Variants in UBE2V2 observed in about 807,000 individuals in gnomAD.
The protein encoded by UBE2V2 is ubiquitin-conjugating enzyme E2 variant 2.
In UBE2V2, 9 loss-of-function variants were observed where a neutral mutation model predicts 17.2. The observed-to-expected ratio is 0.52, with a 90% CI of 0.32 to 0.91. The LOEUF (loss-of-function observed/expected upper bound fraction) is 0.91. UBE2V2 is among the 40% of genes least tolerant of loss of function. The probability of loss-of-function intolerance (pLI) is 0.04; values close to 1 mark genes in which losing one functional copy is unlikely to be tolerated. For synonymous variants in UBE2V2, 61 were observed against 57.5 expected, an observed-to-expected ratio of 1.06 and a Z score of -0.28; for missense variants, 133 against 182.6, an observed-to-expected ratio of 0.73 and a Z score of 1.56.
intron 2 of UBE2V2, among the ~76,000 whole-genome samples, chr8:48,048,985 T>C (rs960238282): frequency 6.6e-6 from 1 of 152,172 alleles, no homozygotes; most frequent in African/African-American, 2.4e-5. Flanking sequence ...GAGGATTCAT[T>C]TATTTTTTAC....
At chr8:48,028,760 A>G (rs1158939406) in intron 1 of UBE2V2, among the ~76,000 whole-genome samples, 1 of 152,168 alleles carries the variant, frequency 6.6e-6, no homozygotes, top group African/African-American at 2.4e-5. Flanking sequence ...TGTTGGGATT[A>G]CAGGTGTGAG....
At chr8:48,002,650 A>AAAAGG in the UBE2V2 span, among the ~76,000 whole-genome samples, 25 of 151,844 alleles carry the variant, frequency 1.6e-4, no homozygotes, top group Non-Finnish European at 2.1e-4. Context: ...GGGGAAAGGA[A>AAAAGG]AAAGGAAAGG....
intron 1 of UBE2V2, among the ~76,000 whole-genome samples, chr8:48,028,992 C>T (rs1178721296): frequency 2.0e-5 from 3 of 151,884 alleles, no homozygotes; most frequent in African/African-American, 7.3e-5. Context: ...TTTTTTTCTA[C>T]TTCATTTAAA....
chr8:48,060,209 CAAAAAA>C (rs557515958), intron 3 of UBE2V2, among the ~76,000 whole-genome samples: 1 of 43,828 alleles, frequency 2.3e-5, no homozygotes, highest in Non-Finnish European at 5.1e-5. Context: ...GACTCTGTCT[CAAAAAA>C]AAAAAAAAAA....
At chr8:48,016,800 T>A (rs999965465) in intron 1 of UBE2V2, among the ~76,000 whole-genome samples, 7 of 136,604 alleles carry the variant, frequency 5.1e-5, no homozygotes, top group South Asian at 4.7e-4. Flanking sequence ...TTTTTTTTTT[T>A]AATTGAGACA....
upstream of UBE2V2, among the ~76,000 whole-genome samples, chr8:48,007,001 C>A (rs2091187648): frequency 6.6e-6 from 1 of 152,030 alleles, no homozygotes; most frequent in South Asian, 2.1e-4. Flanking sequence ...CTGCCTCAGC[C>A]TCCCGAGTAG....
intron 3 of UBE2V2, among the ~76,000 whole-genome samples, chr8:48,059,411 C>CTGCT (rs2154508279): frequency 1.3e-5 from 2 of 151,436 alleles, no homozygotes; most frequent in South Asian, 4.2e-4. Context: ...GGTTACCTTC[C>CTGCT]TGCTTTTTTT....
intron 1 of UBE2V2, among the ~76,000 whole-genome samples, chr8:48,021,166 C>T (rs961464411): frequency 9.2e-5 from 14 of 151,470 alleles, no homozygotes; most frequent in Non-Finnish European, 1.8e-4. Flanking sequence ...CAACCTCTGC[C>T]TCCTGGGTTC....
chr8:48,059,519 C>G (rs914490701), intron 3 of UBE2V2, among the ~76,000 whole-genome samples: 1 of 152,088 alleles, frequency 6.6e-6, no homozygotes, highest in Non-Finnish European at 1.5e-5. Context: ...AGTGATTCTC[C>G]TGCCTCAGCC....
chr8:48,003,639 T>C (rs565403813), upstream of UBE2V2, among the ~76,000 whole-genome samples: 5 of 152,300 alleles, frequency 3.3e-5, no homozygotes, highest in East Asian at 9.6e-4. Context: ...AAAAGTCAAG[T>C]GGATTAAAAT....
chr8:48,034,584 T>A (rs530948871), intron 1 of UBE2V2, among the ~76,000 whole-genome samples: 7 of 147,878 alleles, frequency 4.7e-5, no homozygotes, highest in Middle Eastern at 3.4e-3. Flanking sequence ...CCTTTTTTTT[T>A]AACTTATACA....
At chr8:48,051,342 A>C (rs2091536938) in intron 3 of UBE2V2, among the ~76,000 whole-genome samples, 1 of 152,202 alleles carries the variant, frequency 6.6e-6, no homozygotes, top group African/African-American at 2.4e-5. Context: ...TCATCATCAT[A>C]AAATGAGTAT....
intron 1 of UBE2V2, among the ~76,000 whole-genome samples, chr8:48,035,641 G>T (rs1162921028): frequency 1.2e-4 from 16 of 128,730 alleles, no homozygotes; most frequent in African/African-American, 4.8e-4. Context: ...TTGTGTGTGT[G>T]TGTGTGTGTG....
At chr8:48,008,419 G>A (rs756922563), upstream of UBE2V2, 3 of 1,560,512 alleles carry the variant, frequency 1.9e-6, no homozygotes, top group East Asian at 2.6e-5. Flanking sequence ...CGGTTCGTGC[G>A]TGCGTGCGGG....
intron 1 of UBE2V2, among the ~76,000 whole-genome samples, chr8:48,036,569 G>C (rs1199313849): frequency 6.6e-6 from 1 of 151,768 alleles, no homozygotes; most frequent in Non-Finnish European, 1.5e-5. Flanking sequence ...GAGTAGCTGG[G>C]ATTACAGGCA....
At chr8:48,043,762 C>T (rs548817130) in intron 2 of UBE2V2, 3 of 152,190 alleles carry the variant, frequency 2.0e-5, no homozygotes, top group Non-Finnish European at 4.4e-5. Context: ...CTTCACATGC[C>T]ATAGAAATGC....
At chr8:47,999,946 A>G in the UBE2V2 span, among the ~76,000 whole-genome samples, 2 of 152,258 alleles carry the variant, frequency 1.3e-5, no homozygotes, top group African/African-American at 2.4e-5. Flanking sequence ...ACCAGTAATC[A>G]GAATGGAACA....
chr8:48,021,227 G>A (rs1342062032), intron 1 of UBE2V2, among the ~76,000 whole-genome samples: 10 of 150,022 alleles, frequency 6.7e-5, no homozygotes, highest in East Asian at 2.0e-4. Flanking sequence ...ACAGGTGGCC[G>A]CCACCACGCC....
At chr8:48,058,425 C>T (rs1563861603) in intron 3 of UBE2V2, among the ~76,000 whole-genome samples, 1 of 150,166 alleles carries the variant, frequency 6.7e-6, no homozygotes, top group Admixed American at 6.7e-5. Flanking sequence ...TGAAAGTAGC[C>T]GGGCCTGTGG....
Sources: gnomAD v4.1 joint callset for allele counts (sites outside exome capture counted in the v4.1 genomes callset) on GRCh38, gnomAD v4.1.1 for gene constraint, MANE v1.5 for transcripts, NCBI Gene and HGNC (gene_info 2026-07-23, HGNC 2026-07-21) for gene names.